The following ETS1 variants were observed in gnomAD, a reference collection of about 807,000 sequenced individuals.
ETS1 encodes protein C-ets-1.
ETS1 carries 15 observed loss-of-function variants against 58.6 expected under a neutral mutation model. The observed-to-expected ratio is 0.26, with a 90% CI of 0.17 to 0.39. The LOEUF (loss-of-function observed/expected upper bound fraction) is 0.39, where lower values mean the gene tolerates loss of function less well. ETS1 is among the 10% of genes least tolerant of loss of function. The probability of loss-of-function intolerance (pLI) is 1.00; values close to 1 mark genes in which losing one functional copy is unlikely to be tolerated. For missense variants in ETS1, 417 were observed against 610.5 expected, an observed-to-expected ratio of 0.68 and a Z score of 3.34; for synonymous variants, 214 against 218.2, an observed-to-expected ratio of 0.98 and a Z score of 0.17.
In ETS1 at chr11:128,484,671, C is replaced by G. The variant is rs144390989; in HGVS notation, c.862+152G>C. 1.3e-4 allele frequency: 84 copies of G among 643,420 alleles called. 1 individual carries two copies. The African/African-American group carries it at 1.3e-3, about 10-fold the overall frequency. The allele number at this position is 643,420 out of a possible 1,614,324, so 39.9% of individuals were successfully genotyped here. On this transcript the variant is annotated intron_variant, in intron 7 of 9. Coordinates refer to ENST00000392668, the MANE Select transcript of ETS1 (RefSeq NM_001143820.2). ...GGCTAAAACACCACGATGGAAAGTT[C>G]TTAGTATCTGGACACTCTAAGATGG... is the stretch of plus-strand genomic sequence containing the variant.
rs1278526934 is a variant in ETS1, at chr11:128,573,115, C to T, written c.16G>A (p.Asp6Asn). The T allele has an allele frequency of 6.3e-7, 1 of 1,596,156 alleles. No individual in the cohort carries two copies. The highest frequency in any genetic ancestry group is 1.3e-5 in the African/African-American group (1 of 74,592). Residue 6 changes from aspartate (D) to asparagine (N), a missense_variant, in exon 2 of 10, where the codon GAT becomes AAT. Asp to Asn is a conservative substitution (Grantham distance 23). Transcript: ENST00000392668. Reference protein sequence around the residue: MSYFVDSAGSSPVPYS... With the variant: MSYFVNSAGSSPVPYS... ...GGGACGGGGCTGCTCCCAGCAGAATCCACAAAGTAGCTCATTCTGCTCTCA... is the reference window on the plus strand; with the variant it reads ...GGGACGGGGCTGCTCCCAGCAGAATTCACAAAGTAGCTCATTCTGCTCTCA...
chr11:128,534,625 G>A (rs1288593127), intron 3 of ETS1, among the ~76,000 whole-genome samples: 3 of 152,066 alleles, frequency 2.0e-5, no homozygotes, highest in African/African-American at 7.2e-5. Flanking sequence ...CTCTCCCTGT[G>A]TCCACGTGTT....
chr11:128,565,541 T>C (rs1320233312), intron 2 of ETS1, among the ~76,000 whole-genome samples: 1 of 152,230 alleles, frequency 6.6e-6, no homozygotes, highest in Admixed American at 6.5e-5. Flanking sequence ...AATTTCCTGA[T>C]ATTGCAAGAT....
At chr11:128,501,490 G>C (rs530754540) in intron 3 of ETS1, among the ~76,000 whole-genome samples, 1 of 152,094 alleles carries the variant, frequency 6.6e-6, no homozygotes, top group South Asian at 2.1e-4. Flanking sequence ...ACTTTGTTTC[G>C]ATCCATGTTT....
chr11:128,527,197 AGACAG>A, intron 3 of ETS1: 1 of 310,716 alleles, frequency 3.2e-6, no homozygotes, highest in Non-Finnish European at 6.3e-6. Context: ...TCCCTGTGGG[AGACAG>A]CTTGGCATGG....
chr11:128,498,010 C>T (rs1862989569), intron 3 of ETS1, among the ~76,000 whole-genome samples: 1 of 152,122 alleles, frequency 6.6e-6, no homozygotes, highest in Non-Finnish European at 1.5e-5. Flanking sequence ...ATGAATGTGT[C>T]CTGCTGGAAA....
intron 1 of ETS1, among the ~76,000 whole-genome samples, chr11:128,582,887 T>A (rs923840934): frequency 6.6e-6 from 1 of 152,026 alleles, no homozygotes; most frequent in Non-Finnish European, 1.5e-5. Flanking sequence ...CTTTAGCAAC[T>A]AGATACAAAT....
In ETS1 at chr11:128,461,713, T is replaced by C. The variant is rs1861909418; in HGVS notation, c.*648A>G. 6.5e-6 allele frequency: 1 copy of C among 152,726 alleles called. No individual in the cohort carries two copies. The highest frequency in any genetic ancestry group is 1.5e-5 in the Non-Finnish European group (1 of 68,036). The allele number at this position is 152,726 out of a possible 1,614,324, so 9.5% of individuals were successfully genotyped here. On this transcript the variant is annotated 3_prime_UTR_variant, in exon 10 of 10. Coordinates refer to ENST00000392668, the MANE Select transcript of ETS1 (RefSeq NM_001143820.2). Reference sequence around the variant, plus strand: ...GGCAAATAAAAACAAACTTACATGATATTGCAATACTGAGACCACCTTAGA... The same window carrying C: ...GGCAAATAAAAACAAACTTACATGACATTGCAATACTGAGACCACCTTAGA...
At chr11:128,545,691 G>A (rs1194622549) in intron 3 of ETS1, among the ~76,000 whole-genome samples, 2 of 152,214 alleles carry the variant, frequency 1.3e-5, no homozygotes, top group Admixed American at 1.3e-4. Context: ...AATGGGCTAT[G>A]AACTATTTTT....
chr11:128,520,066 A>G (rs546055448), intron 3 of ETS1, among the ~76,000 whole-genome samples: 2 of 152,316 alleles, frequency 1.3e-5, no homozygotes, highest in East Asian at 3.9e-4. Context: ...ATCTTTTTTG[A>G]AAAAGAAAGC....
In ETS1 at chr11:128,573,107, A is replaced by T. The variant is rs758081118; in HGVS notation, c.24T>A (p.Ala8=). Residue 8 remains alanine (A), a synonymous_variant, in exon 2 of 10, where the codon GCT becomes GCA. Transcript: ENST00000392668. MSYFVDS[A]GSSPVPYSAP... ...CTGAGTAAGGGACGGGGCTGCTCCCAGCAGAATCCACAAAGTAGCTCATTC... is the reference window on the plus strand; with the variant it reads ...CTGAGTAAGGGACGGGGCTGCTCCCTGCAGAATCCACAAAGTAGCTCATTC... The T allele has an allele frequency of 6.3e-7, 1 of 1,599,198 alleles. No homozygotes were observed.
intron 3 of ETS1, among the ~76,000 whole-genome samples, chr11:128,530,784 A>C (rs1591645874): frequency 6.6e-6 from 1 of 152,200 alleles, no homozygotes; most frequent in African/African-American, 2.4e-5. Flanking sequence ...AAAATTCTGA[A>C]TAATTGTTGA....
At chr11:128,516,508 G>T (rs1863528295) in intron 3 of ETS1, among the ~76,000 whole-genome samples, 2 of 152,158 alleles carry the variant, frequency 1.3e-5, no homozygotes, top group Admixed American at 1.3e-4. Context: ...TGACAGTGTG[G>T]GCCCAAGCAT....
rs558540677 is a variant in ETS1, at chr11:128,554,281, C to T, written c.214+2010G>A. 2.0e-5 allele frequency among the ~76,000 whole-genome samples: 3 copies of T among 152,292 alleles called. No homozygotes were observed. In the South Asian group the frequency reaches 6.2e-4, roughly 32 times the overall value. ...CCCCCAACTGGTAGAGGCCACACCC[C>T]GATGGAAGCTGTGTACCATCTCTGA... On this transcript the variant is annotated intron_variant, in intron 3 of 9. Coordinates refer to ENST00000392668, the MANE Select transcript of ETS1 (RefSeq NM_001143820.2).
chr11:128,496,130 T>A (rs1210730157), intron 3 of ETS1, among the ~76,000 whole-genome samples: 1 of 151,880 alleles, frequency 6.6e-6, no homozygotes. Context: ...AAGAGGCAAA[T>A]AAACTCAAGG....
chr11:128,580,634 A>C (rs1039790499), intron 1 of ETS1, among the ~76,000 whole-genome samples: 1 of 152,228 alleles, frequency 6.6e-6, no homozygotes, highest in African/African-American at 2.4e-5. Context: ...GTAGTAGTGA[A>C]TATTCCTTCT....
rs577600937 is a variant in ETS1 at position 128,568,472 on chromosome 11, G to A, written c.69+4590C>T. 9.8e-5 allele frequency among the ~76,000 whole-genome samples: 15 copies of A among 152,296 alleles called. No individual in the cohort carries two copies. In the South Asian group the frequency reaches 3.1e-3, roughly 32 times the overall value. On this transcript the variant is annotated intron_variant, in intron 2 of 9. Transcript: ENST00000392668. The stretch of plus-strand genomic sequence containing the variant: ...GAGCACTTCCTCCCCATGGATGAAA[G>A]GGTCCCTGACACACAGCCCATAGAA...
At chr11:128,577,782 G>C (rs1864780612) in intron 1 of ETS1, among the ~76,000 whole-genome samples, 1 of 152,160 alleles carries the variant, frequency 6.6e-6, no homozygotes, top group Non-Finnish European at 1.5e-5. Context: ...CTGCTTAGCT[G>C]GGGAGTAAAT....
At chr11:128,510,350 C>T (rs1204252679) in intron 3 of ETS1, among the ~76,000 whole-genome samples, 2 of 152,242 alleles carry the variant, frequency 1.3e-5, no homozygotes, top group Non-Finnish European at 2.9e-5. Flanking sequence ...ATAATGCAGA[C>T]ATGTGTCCAT....
Sources: allele counts gnomAD v4.1 joint callset (sites outside exome capture counted in the v4.1 genomes callset), GRCh38; gene constraint gnomAD v4.1.1; transcripts MANE v1.5; gene names NCBI Gene and HGNC (gene_info 2026-07-23, HGNC 2026-07-21).